Variants in STK24 observed in about 807,000 individuals in gnomAD.
STK24 encodes the protein serine/threonine-protein kinase 24.
A neutral mutation model predicts 55.6 loss-of-function variants in STK24; 21 were observed. The ratio of observed to expected loss-of-function variants is 0.38; its 90% confidence interval spans 0.27 to 0.54. The LOEUF is 0.54. STK24 is among the 20% of genes least tolerant of loss of function. The pLI, the probability that STK24 is intolerant of heterozygous loss-of-function variation, is 0.79. For missense variants in STK24, 383 were observed against 538.4 expected (o/e 0.71, Z 2.86); for synonymous variants, 200 against 215.2 (o/e 0.93, Z 0.62).
chr13:98,493,901 G>A (rs1325902403), intron 2 of STK24, among the ~76,000 whole-genome samples: 2 of 149,088 alleles, frequency 1.3e-5, no homozygotes, highest in African/African-American at 4.9e-5. Flanking sequence ...GGAGTGCAGT[G>A]GTGCGATCTT....
intron 10 of STK24, chr13:98,456,342 CAG>C (rs761501684): frequency 2.7e-6 from 1 of 373,814 alleles, no homozygotes. Flanking sequence ...CTCATGATCA[CAG>C]AGTCTCAGCC....
At chr13:98,543,066 C>T in intron 1 of STK24, 5 of 980,768 alleles carry the variant, frequency 5.1e-6, no homozygotes, top group Non-Finnish European at 6.1e-6. Context: ...CAGCAAAGGC[C>T]AAGGGAGGGG....
intron 3 of STK24, among the ~76,000 whole-genome samples, chr13:98,479,530 C>T (rs2139298005): frequency 6.6e-6 from 1 of 152,320 alleles, no homozygotes; most frequent in South Asian, 2.1e-4. Context: ...CAGACCTGGG[C>T]TCATCCCAGC....
rs547288924 is a variant in STK24 at position 98,448,313 on chromosome 13, A to G, written c.*4860T>C. The G allele has an allele frequency of 1.2e-6, 2 of 1,611,592 alleles. No individual in the cohort carries two copies. The highest frequency in any genetic ancestry group is 2.7e-5 in the African/African-American group (2 of 75,026). The stretch of plus-strand genomic sequence containing the variant: ...TTGAGTCACAAAGAGTCTCTTGTGT[A>G]TTGATGGCCGGACACACTCGTTTCC... On this transcript the variant is annotated 3_prime_UTR_variant, in exon 11 of 11. Transcript: ENST00000539966.
At chr13:98,483,737 G>T (rs918932303) in intron 2 of STK24, among the ~76,000 whole-genome samples, 1 of 152,154 alleles carries the variant, frequency 6.6e-6, no homozygotes, top group Non-Finnish European at 1.5e-5. Flanking sequence ...GACAGCGCTG[G>T]TGTGCTCGAG....
At chr13:98,566,545 C>T (rs141048787) in intron 1 of STK24, among the ~76,000 whole-genome samples, 414 of 152,370 alleles carry the variant, frequency 2.7e-3, no homozygotes, top group Non-Finnish European at 4.8e-3. Context: ...GCCATTCCCT[C>T]AGCAGAGACC....
At chr13:98,463,862 AG>A in intron 6 of STK24, 26 bp from the exon 7 acceptor site, 5 of 1,609,014 alleles carry the variant, frequency 3.1e-6, no homozygotes, top group Non-Finnish European at 4.2e-6. Context: ...CAACAATTAA[AG>A]TATGAGATGA....
intron 1 of STK24, among the ~76,000 whole-genome samples, chr13:98,575,560 G>A (rs1435608353): frequency 6.6e-6 from 1 of 152,144 alleles, no homozygotes; most frequent in Non-Finnish European, 1.5e-5. Flanking sequence ...AAAAAAGAAG[G>A]GAGAGGGATG....
At chr13:98,547,250 TA>T (rs1897052194) in intron 1 of STK24, among the ~76,000 whole-genome samples, 1 of 152,140 alleles carries the variant, frequency 6.6e-6, no homozygotes. Context: ...TGTTAAAATT[TA>T]TATTAAAATT....
intron 2 of STK24, among the ~76,000 whole-genome samples, chr13:98,493,164 C>T (rs1895106602): frequency 6.6e-6 from 1 of 152,174 alleles, no homozygotes; most frequent in East Asian, 1.9e-4. Flanking sequence ...GAACACTGGG[C>T]ATTCCCTAAA....
At chr13:98,541,372 G>A (rs1896885513) in intron 1 of STK24, among the ~76,000 whole-genome samples, 1 of 152,118 alleles carries the variant, frequency 6.6e-6, no homozygotes, top group Admixed American at 6.5e-5. Context: ...ATCAAAATCA[G>A]GACCCAACAC....
intron 2 of STK24, among the ~76,000 whole-genome samples, chr13:98,510,375 C>T (rs1594625172): frequency 1.3e-5 from 2 of 152,192 alleles, no homozygotes; most frequent in Non-Finnish European, 2.9e-5. Flanking sequence ...TACTGGAACC[C>T]AATTCAGATG....
intron 1 of STK24, among the ~76,000 whole-genome samples, chr13:98,540,795 T>C (rs1397308491): frequency 6.8e-6 from 1 of 146,762 alleles, no homozygotes; most frequent in Non-Finnish European, 1.5e-5. Context: ...CCATTGCCCT[T>C]ATACAAAGCT....
rs1365312535 is a variant in STK24, at chr13:98,446,275, C to G, written c.*6898G>C. The G allele has an allele frequency of 2.0e-6, 2 of 1,003,406 alleles. No homozygotes were observed. Among genetic ancestry groups the G allele is most frequent in the Non-Finnish European group, 3.1e-6 (2 of 642,540 alleles). The allele number at this position is 1,003,406 out of a possible 1,614,324, so 62.2% of individuals were successfully genotyped here. The stretch of plus-strand genomic sequence containing the variant: ...GGCAGCATGAGGTGAGGGGGCCGCC[C>G]TCCTCTGGAATGACTCAGGCCTCTT... On this transcript the variant is annotated 3_prime_UTR_variant, in exon 11 of 11. Coordinates refer to ENST00000539966, the MANE Select transcript of STK24 (RefSeq NM_001032296.4).
chr13:98,554,564 C>T (rs1322330265), intron 1 of STK24, among the ~76,000 whole-genome samples: 1 of 152,172 alleles, frequency 6.6e-6, no homozygotes, highest in Non-Finnish European at 1.5e-5. Context: ...AGTGGCTCAT[C>T]CTTGTTATCT....
intron 1 of STK24, among the ~76,000 whole-genome samples, chr13:98,526,589 A>G (rs1305371294): frequency 6.6e-6 from 1 of 152,238 alleles, no homozygotes; most frequent in African/African-American, 2.4e-5. Flanking sequence ...CCATGTCATT[A>G]GAAACAAAAA....
At chr13:98,530,924 G>GTACA (rs934467363) in intron 1 of STK24, among the ~76,000 whole-genome samples, 1 of 152,124 alleles carries the variant, frequency 6.6e-6, no homozygotes, top group African/African-American at 2.4e-5. Context: ...AATATACGAG[G>GTACA]TACAACACAA....
chr13:98,573,105 A>G (rs963019486), intron 1 of STK24, among the ~76,000 whole-genome samples: 9 of 152,204 alleles, frequency 5.9e-5, no homozygotes, highest in African/African-American at 2.2e-4. Flanking sequence ...AATTCGAAAC[A>G]CTTGTGGTCC....
chr13:98,460,976 A>C (rs7139583), intron 8 of STK24, among the ~76,000 whole-genome samples: 31,982 of 151,394 alleles, frequency 0.21, 4,091 homozygotes, highest in Non-Finnish European at 0.29. Context: ...TGAGCCCAGG[A>C]GTTTGAGGCT....
Sources: gnomAD v4.1 joint callset for allele counts (sites outside exome capture counted in the v4.1 genomes callset) on GRCh38, gnomAD v4.1.1 for gene constraint, MANE v1.5 for transcripts, NCBI Gene and HGNC (gene_info 2026-07-23, HGNC 2026-07-21) for gene names.